The following FHIT variants were observed in gnomAD, a reference collection of about 807,000 sequenced individuals.
FHIT encodes the protein fragile histidine triad diadenosine triphosphatase.
FHIT carries 19 observed loss-of-function variants against 17.9 expected under a neutral mutation model. The ratio of observed to expected loss-of-function variants is 1.06; its 90% CI spans 0.74 to 1.56. FHIT has a LOEUF of 1.56. Ranked by LOEUF, FHIT falls within the 40% of genes most tolerant of loss-of-function variation. FHIT has a pLI of 0.00. For synonymous variants in FHIT, 81 were observed against 69.7 expected, an observed-to-expected ratio of 1.16 and a Z score of -0.81; for missense variants, 248 against 189.2, an observed-to-expected ratio of 1.31 and a Z score of -1.82.
chr3:59,989,071 G>T (rs1375099811), intron 7 of FHIT, among the ~76,000 whole-genome samples: 1 of 152,042 alleles, frequency 6.6e-6, no homozygotes, highest in Admixed American at 6.6e-5. Context: ...AGGCTTTAAA[G>T]AGGTTCTGGG....
At chr3:60,397,278 T>C (rs1250306833) in intron 5 of FHIT, among the ~76,000 whole-genome samples, 2 of 152,088 alleles carry the variant, frequency 1.3e-5, no homozygotes, top group African/African-American at 2.4e-5. Flanking sequence ...ATTAGACACC[T>C]AGGAGATTAC....
chr3:60,519,207 G>A (rs1314258181), intron 5 of FHIT, among the ~76,000 whole-genome samples: 1 of 152,106 alleles, frequency 6.6e-6, no homozygotes, highest in Non-Finnish European at 1.5e-5. Context: ...TGTACAGTGG[G>A]CAGATATTCT....
rs960152053 is a variant in FHIT, at chr3:60,356,617, C to T, written c.103+180243G>A. On this transcript the variant is annotated intron_variant, in intron 5 of 9. Transcript: ENST00000492590. The stretch of plus-strand genomic sequence containing the variant: ...TATTTCAATACAAGTTATTGAGAAG[C>T]TTTAACAGGCTTTCGGGAGAAGCTA... 3.9e-5 allele frequency among the ~76,000 whole-genome samples: 6 copies of T among 151,978 alleles called. No homozygotes were observed. The East Asian group carries it at 1.2e-3, about 29-fold the overall frequency.
intron 4 of FHIT, among the ~76,000 whole-genome samples, chr3:60,558,205 C>T (rs2036810228): frequency 6.6e-6 from 1 of 151,922 alleles, no homozygotes; most frequent in African/African-American, 2.4e-5. Context: ...TAGACCCTGC[C>T]CTACCTTTGT....
intron 5 of FHIT, among the ~76,000 whole-genome samples, chr3:60,317,949 C>T (rs1709241284): frequency 6.6e-6 from 1 of 151,956 alleles, no homozygotes; most frequent in Admixed American, 6.6e-5. Context: ...TGTCACCACA[C>T]CCAGACAATT....
intron 3 of FHIT, among the ~76,000 whole-genome samples, chr3:60,967,020 T>G (rs1477713252): frequency 6.6e-6 from 1 of 152,220 alleles, no homozygotes; most frequent in Non-Finnish European, 1.5e-5. Context: ...ATGGGGATGT[T>G]TATGCCTCAT....
At position 60,565,087 on chromosome 3, in the gene FHIT, C is replaced by G. The variant is rs772488306; in HGVS notation, c.-17-28108G>C. Among the ~76,000 whole-genome samples the G allele has an allele frequency of 3.9e-5, 6 of 152,108 alleles. 1 individual carries two copies. Among genetic ancestry groups the G allele is most frequent in the Admixed American group, 3.3e-4 (5 of 15,268 alleles). On this transcript the variant is annotated intron_variant, in intron 4 of 9. Coordinates refer to ENST00000492590, the MANE Select transcript of FHIT (RefSeq NM_002012.4). ...CATCAACATTGAGGCAAGACCTTCC[C>G]ATTTTTATTGTTCACATTTTTTAGC...
intron 5 of FHIT, among the ~76,000 whole-genome samples, chr3:60,112,492 A>G (rs935225149): frequency 1.3e-5 from 2 of 152,196 alleles, no homozygotes; most frequent in African/African-American, 4.8e-5. Context: ...GAGTGGGCAG[A>G]AAAACACGAC....
At chr3:61,038,663 T>C (rs929636582) in intron 3 of FHIT, among the ~76,000 whole-genome samples, 3 of 152,142 alleles carry the variant, frequency 2.0e-5, no homozygotes, top group Non-Finnish European at 2.9e-5. Flanking sequence ...CATTCTGAAA[T>C]ACATCAGAGT....
At chr3:60,734,546 C>G (rs917969168) in intron 4 of FHIT, among the ~76,000 whole-genome samples, 7 of 152,136 alleles carry the variant, frequency 4.6e-5, no homozygotes, top group African/African-American at 1.7e-4. Context: ...GGACCACAGG[C>G]ATGGCACCAC....
At chr3:60,101,292 G>A (rs148061758) in intron 5 of FHIT, among the ~76,000 whole-genome samples, 1 of 152,322 alleles carries the variant, frequency 6.6e-6, no homozygotes, top group East Asian at 1.9e-4. Context: ...CTGTACAGAT[G>A]GCCATGTCCA....
At chr3:60,749,236 G>A (rs1200674109) in intron 4 of FHIT, among the ~76,000 whole-genome samples, 3 of 152,204 alleles carry the variant, frequency 2.0e-5, no homozygotes, top group Non-Finnish European at 4.4e-5. Flanking sequence ...CCACCCTGAA[G>A]AAGGAATTTA....
chr3:60,745,583 AGTAGATCCAG>A (rs1211863265), intron 4 of FHIT, among the ~76,000 whole-genome samples: 2 of 152,160 alleles, frequency 1.3e-5, no homozygotes, highest in East Asian at 1.9e-4. Flanking sequence ...GGGGACACAG[AGTAGATCCAG>A]GTAGATCCAG....
intron 3 of FHIT, among the ~76,000 whole-genome samples, chr3:60,881,377 C>A (rs1704968400): frequency 6.6e-6 from 1 of 152,168 alleles, no homozygotes; most frequent in Non-Finnish European, 1.5e-5. Context: ...GATAGGCCAT[C>A]TAGAAAGAAA....
intron 2 of FHIT, among the ~76,000 whole-genome samples, chr3:61,073,249 G>A (rs2034865472): frequency 6.6e-6 from 1 of 152,188 alleles, no homozygotes; most frequent in African/African-American, 2.4e-5. Flanking sequence ...TTTGCTACTT[G>A]TATGCATGGA....
chr3:61,200,566 T>G (rs1055771780), intron 2 of FHIT, 51 bp downstream of exon 2: 1 of 152,550 alleles, frequency 6.6e-6, no homozygotes, highest in Non-Finnish European at 1.5e-5. Flanking sequence ...AAAAGAAAAA[T>G]CAATGTTGTA....
At chr3:60,709,665 A>T (rs1361584634) in intron 4 of FHIT, among the ~76,000 whole-genome samples, 2 of 152,228 alleles carry the variant, frequency 1.3e-5, no homozygotes, top group African/African-American at 4.8e-5. Context: ...ATTGCATGAT[A>T]TAAAAAAGAA....
At chr3:60,097,150 C>A (rs540939214) in intron 5 of FHIT, among the ~76,000 whole-genome samples, 1 of 151,930 alleles carries the variant, frequency 6.6e-6, no homozygotes, top group African/African-American at 2.4e-5. Context: ...TTGGCCAGCA[C>A]CCCCAAATTT....
chr3:60,368,788 T>G (rs1464676947), intron 5 of FHIT, among the ~76,000 whole-genome samples: 1 of 152,174 alleles, frequency 6.6e-6, no homozygotes, highest in East Asian at 1.9e-4. Context: ...GTTATAGAAC[T>G]TCTACAGTTT....
Sources: gnomAD v4.1 joint callset for allele counts (sites outside exome capture counted in the v4.1 genomes callset) on GRCh38, gnomAD v4.1.1 for gene constraint, MANE v1.5 for transcripts, NCBI Gene and HGNC (gene_info 2026-07-23, HGNC 2026-07-21) for gene names.